The following PHACTR2 variants were observed in gnomAD, a reference collection of about 807,000 sequenced individuals.
The protein encoded by PHACTR2 is chromosome 6 open reading frame 56.
A neutral mutation model predicts 76.0 loss-of-function variants in PHACTR2; 30 were observed. That is an observed-to-expected ratio of 0.39 (90% CI 0.30 to 0.54). PHACTR2 has a LOEUF of 0.54. Ranked by LOEUF, PHACTR2 falls within the 20% of genes least tolerant of loss-of-function variation. The probability of loss-of-function intolerance (pLI) is 0.61; values close to 1 mark genes in which losing one functional copy is unlikely to be tolerated. For synonymous variants in PHACTR2, 292 were observed against 292.5 expected (o/e 1.00, Z 0.02); for missense variants, 696 against 781.1 (o/e 0.89, Z 1.30).
intron 1 of PHACTR2, among the ~76,000 whole-genome samples, chr6:143,584,546 T>G (rs1187777767): frequency 6.6e-6 from 1 of 152,210 alleles, no homozygotes; most frequent in Non-Finnish European, 1.5e-5. Context: ...GAGCCTAAGG[T>G]ACATTGTCAT....
intron 2 of PHACTR2, among the ~76,000 whole-genome samples, chr6:143,719,808 C>T (rs1228919866): frequency 4.8e-4 from 65 of 135,590 alleles, no homozygotes; most frequent in Non-Finnish European, 4.1e-4. Flanking sequence ...GCTTTGTGTT[C>T]GACACTTTTT....
intron 1 of PHACTR2, among the ~76,000 whole-genome samples, chr6:143,655,180 A>T (rs1776828619): frequency 2.0e-5 from 3 of 151,744 alleles, no homozygotes; most frequent in African/African-American, 7.3e-5. Flanking sequence ...AAAAAGAAAA[A>T]GAAAAAAAAG....
At chr6:143,779,411 A>G (rs943993097) in intron 9 of PHACTR2, among the ~76,000 whole-genome samples, 1 of 147,490 alleles carries the variant, frequency 6.8e-6, no homozygotes, top group Non-Finnish European at 1.5e-5. Flanking sequence ...GGGCAGTGGC[A>G]CTATCTCGGC....
rs1776450739 is a variant in PHACTR2 at position 143,822,791 on chromosome 6, A to G, written c.1923-883A>G. On this transcript the variant is annotated intron_variant, in intron 12 of 12. Transcript: ENST00000440869. This position sits in a 1 kb window ranked among gnomAD's most constrained non-coding sequence, Gnocchi z 5.5. ...ACTTTTGACCTTGATCTTGAAAATG[A>G]AAACATAGATAGGAAATGAAGGGAA... is the stretch of plus-strand genomic sequence containing the variant. Among the ~76,000 whole-genome samples, 1 of 152,242 alleles carries G rather than the reference A, an allele frequency of 6.6e-6. No individual in the cohort carries two copies.
In PHACTR2 at chr6:143,816,974, G is replaced by A. The variant is rs1776309246; in HGVS notation, c.1923-6700G>A. On this transcript the variant is annotated intron_variant, in intron 12 of 12. Coordinates refer to ENST00000440869, the MANE Select transcript of PHACTR2 (RefSeq NM_001100164.2). The surrounding 1 kb of genome is among the most constrained non-coding windows in gnomAD (Gnocchi z 4.5). ...CCAGCTACTTGGGAGGCTGAGGCAG[G>A]AGAATCTCTTGAATCCAGGAGGCAG... Among the ~76,000 whole-genome samples the A allele has an allele frequency of 6.6e-6, 1 of 152,174 alleles. No individual in the cohort carries two copies. The highest frequency in any genetic ancestry group is 1.5e-5 in the Non-Finnish European group (1 of 68,042).
At chr6:143,713,340 G>A (rs960551227) in intron 2 of PHACTR2, among the ~76,000 whole-genome samples, 2 of 152,182 alleles carry the variant, frequency 1.3e-5, no homozygotes, top group Non-Finnish European at 1.5e-5. Flanking sequence ...TGTGAGGTAG[G>A]TAAGATTATA....
Position 143,709,843 on chromosome 6 carries a change from C to T in PHACTR2, c.47-2173C>T, listed in dbSNP as rs549565247. 6.6e-5 allele frequency among the ~76,000 whole-genome samples: 10 copies of T among 152,234 alleles called. No individual in the cohort carries two copies. The highest frequency in any genetic ancestry group is 2.1e-4 in the South Asian group (1 of 4,826). The stretch of plus-strand genomic sequence containing the variant: ...TATTGCTGGGTAGGGCTGGATGTCA[C>T]GGCTTCCTACATGGTCTCCACTGAC... On this transcript the variant is annotated intron_variant, in intron 1 of 12. Coordinates refer to ENST00000440869, the MANE Select transcript of PHACTR2 (RefSeq NM_001100164.2). The surrounding 1 kb of genome is among the most constrained non-coding windows in gnomAD (Gnocchi z 4.4).
At chr6:143,741,778 G>A (rs537781639) in intron 2 of PHACTR2, among the ~76,000 whole-genome samples, 1 of 152,046 alleles carries the variant, frequency 6.6e-6, no homozygotes, top group African/African-American at 2.4e-5. Flanking sequence ...AGAATCTGTG[G>A]TGACTACTGG....
At chr6:143,542,391 A>C (rs1052044155) in intron 1 of PHACTR2, among the ~76,000 whole-genome samples, 4 of 152,150 alleles carry the variant, frequency 2.6e-5, no homozygotes, top group African/African-American at 9.7e-5. Flanking sequence ...AGCTTGGCAC[A>C]TTTGAAAAAT....
chr6:143,663,552 A>C lies in PHACTR2; in HGVS notation c.14-48464A>C, dbSNP rs543357444. Among the ~76,000 whole-genome samples the C allele has an allele frequency of 6.6e-6, 1 of 152,070 alleles. No individual in the cohort carries two copies. The highest frequency in any genetic ancestry group is 1.9e-4 in the East Asian group (1 of 5,184). On this transcript the variant is annotated intron_variant, in intron 1 of 11. Transcript: ENST00000305766. This position sits in a 1 kb window ranked among gnomAD's most constrained non-coding sequence, Gnocchi z 4.1. ...GAATAGATCTTTTCTTTGTTTTTTT[A>C]AATAAATGCGATTAAAGCTTTAAAT...
In PHACTR2 at chr6:143,689,999, A is replaced by G; in HGVS notation, c.46+11790A>G. Among the ~76,000 whole-genome samples the G allele has an allele frequency of 6.6e-6, 1 of 152,126 alleles. No individual in the cohort carries two copies. The highest frequency in any genetic ancestry group is 1.5e-5 in the Non-Finnish European group (1 of 68,014). ...CGTGTGAGCCACTGTGCCCAGCCCC[A>G]ACATTCTTATATTGTGTTTTTGATT... On this transcript the variant is annotated intron_variant, in intron 1 of 12. Coordinates refer to ENST00000440869, the MANE Select transcript of PHACTR2 (RefSeq NM_001100164.2). This position sits in a 1 kb window ranked among gnomAD's most constrained non-coding sequence, Gnocchi z 4.4.
rs775050391 is a variant in PHACTR2 at position 143,712,113 on chromosome 6, T to A, written c.144T>A (p.Ile48=). ...AAAGAAAGGGGAAACTATCCACCAT[T>A]GGTAAAATCTTTAAGCCTTGGAAAT... ...PFKRKGKLST[I]GKIFKPWKWR... is the part of the protein sequence containing the mutation. The change falls in exon 2 of 13, where the codon ATT becomes ATA. Residue 48 remains isoleucine, a synonymous_variant. Transcript: ENST00000440869. 2 of 1,592,224 alleles carry A rather than the reference T, an allele frequency of 1.3e-6. No individual in the cohort carries two copies. Among genetic ancestry groups the A allele is most frequent in the Non-Finnish European group, 1.7e-6 (2 of 1,172,396 alleles).
At position 143,539,821 on chromosome 6, in the gene PHACTR2, T is replaced by C. The variant is rs1229343567; in HGVS notation, c.217+2614T>C. Among the ~76,000 whole-genome samples the C allele has an allele frequency of 6.6e-6, 1 of 152,208 alleles. No individual in the cohort carries two copies. The highest frequency in any genetic ancestry group is 2.4e-5 in the African/African-American group (1 of 41,452). ...CTTAGTCACCTTGCAGTTTGAAAAG[T>C]GCTGCTCTCCCACACTGGTTTTCAA... On this transcript the variant is annotated intron_variant, in intron 1 of 11. Transcript: ENST00000367584. This position sits in a 1 kb window ranked among gnomAD's most constrained non-coding sequence, Gnocchi z 4.3.
rs1779336233 is a variant in PHACTR2, at chr6:143,757,806, A to C, written c.455-2595A>C. 6.6e-6 allele frequency among the ~76,000 whole-genome samples: 1 copy of C among 152,244 alleles called. No individual in the cohort carries two copies. Among genetic ancestry groups the C allele is most frequent in the African/African-American group, 2.4e-5 (1 of 41,470 alleles). On this transcript the variant is annotated intron_variant, in intron 4 of 12. Transcript: ENST00000440869. This position sits in a 1 kb window ranked among gnomAD's most constrained non-coding sequence, Gnocchi z 4.2. ...ACTGATGTGTGTGTCAATAACTATT[A>C]GACAGTCAGTCCCATTCGTTGAATA...
chr6:143,687,787 A>G (rs984196591), intron 1 of PHACTR2, among the ~76,000 whole-genome samples: 1 of 152,232 alleles, frequency 6.6e-6, no homozygotes, highest in African/African-American at 2.4e-5. Context: ...ATTTTGCTTA[A>G]GAATATCCTG....
rs561936639 is a variant in PHACTR2 at position 143,697,238 on chromosome 6, G to T, written c.47-14778G>T. ...AAAGAGAATGGAAAAAACAAAAGCAGTTTGGATTTAGTTCCAATTTAGTTA... is the reference window on the plus strand; with the variant it reads ...AAAGAGAATGGAAAAAACAAAAGCATTTTGGATTTAGTTCCAATTTAGTTA... On this transcript the variant is annotated intron_variant, in intron 1 of 12. Transcript: ENST00000440869. The surrounding 1 kb of genome is among the most constrained non-coding windows in gnomAD (Gnocchi z 4.4). Among the ~76,000 whole-genome samples, 1 of 152,292 alleles carries T rather than the reference G, an allele frequency of 6.6e-6. No individual in the cohort carries two copies. Among genetic ancestry groups the T allele is most frequent in the East Asian group, 1.9e-4 (1 of 5,190 alleles).
chr6:143,813,775 C>CATGTTGAGAAGTTTCTTA (rs1205793678), intron 12 of PHACTR2, among the ~76,000 whole-genome samples: 9 of 151,710 alleles, frequency 5.9e-5, no homozygotes, highest in Non-Finnish European at 8.8e-5. Flanking sequence ...AGTTTTTCTT[C>CATGTTGAGAAGTTTCTTA]ATGTTGAGAA....
intron 1 of PHACTR2, among the ~76,000 whole-genome samples, chr6:143,628,401 C>T (rs1776296533): frequency 6.6e-6 from 1 of 152,212 alleles, no homozygotes; most frequent in Non-Finnish European, 1.5e-5. Flanking sequence ...GGCTGCATTC[C>T]TTCTGGAGGC....
chr6:143,807,704 CTTTAGGATGGGAATCCTGAT>C lies in PHACTR2; in HGVS notation c.1922+576_1922+595del, dbSNP rs1562314972. On this transcript the variant is annotated intron_variant, in intron 12 of 12. Coordinates refer to ENST00000440869, the MANE Select transcript of PHACTR2 (RefSeq NM_001100164.2). The surrounding 1 kb of genome is among the most constrained non-coding windows in gnomAD (Gnocchi z 5.5). The stretch of plus-strand genomic sequence containing the variant: ...GAAGCTGACTTTTCAGAAGATGTAA[CTTTAGGATGGGAATCCTGAT>C]TTTACTGGTGACGAAGGAGATCGCT... Among the ~76,000 whole-genome samples the C allele has an allele frequency of 6.6e-6, 1 of 152,178 alleles. No individual in the cohort carries two copies. Among genetic ancestry groups the C allele is most frequent in the African/African-American group, 2.4e-5 (1 of 41,448 alleles).
Sources: gnomAD v4.1 joint callset for allele counts (sites outside exome capture counted in the v4.1 genomes callset) on GRCh38, gnomAD v4.1.1 for gene constraint, Gnocchi (gnomAD v3.1) non-coding constraint, MANE v1.5 for transcripts, NCBI Gene and HGNC (gene_info 2026-07-23, HGNC 2026-07-21) for gene names.